The following KRT86 variants were observed in gnomAD, a reference collection of about 807,000 sequenced individuals.
KRT86 encodes keratin 86, also known as keratin, type II cuticular Hb6.
A neutral mutation model predicts 41.2 loss-of-function variants in KRT86; 30 were observed. That is an observed-to-expected ratio of 0.73 (90% CI 0.54 to 0.99). The LOEUF is 0.99. Ranked by LOEUF, KRT86 falls within the 50% of genes least tolerant of loss-of-function variation. The pLI is 0.00. For missense variants in KRT86, 561 were observed against 571.4 expected, an observed-to-expected ratio of 0.98 and a Z score of 0.19; for synonymous variants, 238 against 238.1, an observed-to-expected ratio of 1.00 and a Z score of 0.00.
chr12:52,285,308 T>G (rs1937890103), intron 2 of KRT86, among the ~76,000 whole-genome samples: 1 of 151,928 alleles, frequency 6.6e-6, no homozygotes. Flanking sequence ...TTTCTGTCTT[T>G]GAGGAAAATG....
intron 2 of KRT86, 131 bp from the exon 3 acceptor site, chr12:52,301,782 C>A: frequency 6.3e-7 from 1 of 1,588,124 alleles, no homozygotes; most frequent in Non-Finnish European, 8.6e-7. Context: ...TGCTCCGACC[C>A]ACGTGGTCAC....
At chr12:52,276,585 GA>G (rs1220421587) in intron 2 of KRT86, among the ~76,000 whole-genome samples, 1 of 152,118 alleles carries the variant, frequency 6.6e-6, no homozygotes, top group Non-Finnish European at 1.5e-5. Flanking sequence ...ATGCAAGTCT[GA>G]AAATATAAAA....
chr12:52,308,068 C>A (rs1299228957), intron 9 of KRT86, 165 bp from the exon 10 acceptor site: 2 of 813,116 alleles, frequency 2.5e-6, no homozygotes, highest in Non-Finnish European at 3.8e-6. Context: ...GTCTCCAGAC[C>A]CTCACGGTGA....
intron 2 of KRT86, among the ~76,000 whole-genome samples, chr12:52,278,269 C>T (rs1353166780): frequency 1.3e-5 from 2 of 152,160 alleles, no homozygotes; most frequent in Non-Finnish European, 2.9e-5. Context: ...GTCCTATTAT[C>T]CCCATTTTAC....
intron 2 of KRT86, chr12:52,287,967 T>C: frequency 6.2e-7 from 1 of 1,614,162 alleles, no homozygotes. Context: ...AGCAGGCAGG[T>C]GTCCTGTGCC....
At chr12:52,287,675 C>A (rs367880650) in intron 2 of KRT86, 1 of 1,613,768 alleles carries the variant, frequency 6.2e-7, no homozygotes, top group East Asian at 2.2e-5. Context: ...CTTGGTGCGG[C>A]GCAGGGTCTC....
chr12:52,275,672 G>T (rs1942545755), intron 1 of KRT86, 149 bp from the exon 2 acceptor site: 2 of 185,234 alleles, frequency 1.1e-5, no homozygotes, highest in Non-Finnish European at 2.0e-5. Flanking sequence ...AACCTTTGGA[G>T]ATAGGAAAAA....
intron 2 of KRT86, among the ~76,000 whole-genome samples, chr12:52,296,997 G>A (rs772161164): frequency 6.6e-6 from 1 of 152,126 alleles, no homozygotes; most frequent in East Asian, 1.9e-4. Context: ...CTCTCTCTCC[G>A]CTGTCACAGT....
intron 7 of KRT86, 126 bp from the exon 8 acceptor site, chr12:52,305,537 G>A: frequency 1.3e-6 from 2 of 1,598,594 alleles, no homozygotes; most frequent in Non-Finnish European, 1.7e-6. Context: ...TGTTGGGGTG[G>A]TAGGGCAGGA....
chr12:52,291,459 A>G (rs1938122125), intron 2 of KRT86: 1 of 1,612,952 alleles, frequency 6.2e-7, no homozygotes, highest in Non-Finnish European at 8.5e-7. Context: ...CCTGATCCGC[A>G]GGTCATGATC....
rs564058823 is a variant in KRT86, at chr12:52,305,106, G to A, written c.735+79G>A. 4.4e-6 allele frequency: 7 copies of A among 1,606,698 alleles called. No homozygotes were observed. In the South Asian group the frequency reaches 5.5e-5, roughly 13 times the overall value. ...GGGGTGGGAGTGTTGGACAGGATGT[G>A]GGTAGAGGTTGCAGTCCCTGAGGCT... On this transcript the variant is annotated intron_variant, in intron 6 of 10. Coordinates refer to ENST00000423955, the MANE Select transcript of KRT86 (RefSeq NM_001320198.2).
intron 2 of KRT86, among the ~76,000 whole-genome samples, chr12:52,298,624 T>C (rs1445314543): frequency 6.6e-6 from 1 of 152,198 alleles, no homozygotes; most frequent in Admixed American, 6.5e-5. Flanking sequence ...ATGAGGTGGG[T>C]ACTATTATTA....
intron 2 of KRT86, among the ~76,000 whole-genome samples, chr12:52,293,791 G>A (rs1170472600): frequency 1.3e-5 from 2 of 152,098 alleles, no homozygotes; most frequent in East Asian, 1.9e-4. Context: ...AAATTAGCTC[G>A]TAAAGTACAG....
chr12:52,305,123 C>A, intron 6 of KRT86, 96 bp downstream of exon 6: 1 of 1,606,070 alleles, frequency 6.2e-7, no homozygotes, highest in Admixed American at 1.7e-5. Flanking sequence ...GGTTGCAGTC[C>A]CTGAGGCTGT....
chr12:52,283,192 G>T (rs1312444519), intron 2 of KRT86, among the ~76,000 whole-genome samples: 1 of 151,812 alleles, frequency 6.6e-6, no homozygotes, highest in African/African-American at 2.4e-5. Flanking sequence ...TCAGGAGTTT[G>T]AGACCAGCCT....
At chr12:52,283,096 C>A (rs575362494) in intron 2 of KRT86, among the ~76,000 whole-genome samples, 5 of 152,252 alleles carry the variant, frequency 3.3e-5, no homozygotes, top group Admixed American at 2.0e-4. Context: ...CCCACCTCTC[C>A]CAAAGAATAA....
At chr12:52,308,141 A>G (rs993125492) in intron 9 of KRT86, 92 bp from the exon 10 acceptor site, 3 of 1,561,810 alleles carry the variant, frequency 1.9e-6, no homozygotes, top group East Asian at 2.2e-5. Flanking sequence ...GCAAGTGCCC[A>G]GATGGAGGGC....
chr12:52,308,525 T>G lies in KRT86; in HGVS notation c.1401T>G (p.Thr467=). 9.4e-6 allele frequency: 15 copies of G among 1,604,168 alleles called. No homozygotes were observed. Among genetic ancestry groups the G allele is most frequent in the Non-Finnish European group, 1.2e-5 (14 of 1,179,844 alleles). Residue 467 remains threonine (T), a synonymous_variant, in exon 11 of 11, where the codon ACT becomes ACG. Transcript: ENST00000423955. ...PSNSNVVVGT[T]NACAPSARVG... ...ACAGCAACGTGGTGGTGGGCACTAC[T>G]AACGCCTGCGCCCCCTCCGCCCGGG...
rs756310592 is a variant in KRT86, at chr12:52,308,548, G to A, written c.1424G>A (p.Arg475Gln). The A allele has an allele frequency of 6.2e-7, 1 of 1,600,802 alleles. No individual in the cohort carries two copies. Among genetic ancestry groups the A allele is most frequent in the Middle Eastern group, 1.7e-4 (1 of 6,046 alleles). ...ACTAACGCCTGCGCCCCCTCCGCCCGGGTTGGCGTCTGCGGCGGCAGCTGT... is the reference window on the plus strand; with the variant it reads ...ACTAACGCCTGCGCCCCCTCCGCCCAGGTTGGCGTCTGCGGCGGCAGCTGT... ...GTTNACAPSA[R>Q]VGVCGGSCKR... The change falls in exon 11 of 11, where the codon CGG becomes CAG. Residue 475 changes from arginine to glutamine, a missense_variant. Physicochemically the swap from Arg to Gln is conservative, Grantham distance 43. This residue lies in a region of KRT86 where 397 missense variants were observed against 375.9 expected (regional missense o/e 1.06). Coordinates refer to ENST00000423955, the MANE Select transcript of KRT86 (RefSeq NM_001320198.2).
Sources: allele counts gnomAD v4.1 joint callset (sites outside exome capture counted in the v4.1 genomes callset), GRCh38; gene constraint gnomAD v4.1.1; regional missense constraint gnomAD v4.1.1; transcripts MANE v1.5; gene names NCBI Gene and HGNC (gene_info 2026-07-23, HGNC 2026-07-21).